Variants in UGT2B4 observed in about 807,000 individuals in gnomAD.
The protein encoded by UGT2B4 is UDP-glucuronosyltransferase 2B4.
In UGT2B4, 49 loss-of-function variants were observed where a neutral mutation model predicts 49.8. The ratio of observed to expected loss-of-function variants is 0.98; its 90% CI spans 0.78 to 1.25. UGT2B4 has a LOEUF of 1.25. Among genes scored for constraint, UGT2B4 ranks in the 50% most tolerant of loss-of-function variants. The pLI, the probability that UGT2B4 is intolerant of heterozygous loss-of-function variation, is 0.00. For synonymous variants in UGT2B4, 246 were observed against 217.7 expected, an observed-to-expected ratio of 1.13 and a Z score of -1.14; for missense variants, 729 against 627.7, an observed-to-expected ratio of 1.16 and a Z score of -1.73.
chr4:69,506,669 A>C (rs1200377215), intron 1 of UGT2B4, among the ~76,000 whole-genome samples: 6 of 151,452 alleles, frequency 4.0e-5, no homozygotes, highest in Admixed American at 3.9e-4. Context: ...TATTATTTCT[A>C]CTAAACCTAT....
intron 1 of UGT2B4, among the ~76,000 whole-genome samples, chr4:69,524,015 T>A (rs1728905459): frequency 6.6e-6 from 1 of 152,120 alleles, no homozygotes; most frequent in Non-Finnish European, 1.5e-5. Flanking sequence ...CTTCACATAT[T>A]CAAAAGAGCT....
rs1727796999 is a variant in UGT2B4, at chr4:69,486,683, A to G, written c.1016T>C (p.Phe339Ser). 2 of 1,607,626 alleles carry G rather than the reference A, an allele frequency of 1.2e-6. No individual in the cohort carries two copies. The highest frequency in any genetic ancestry group is 3.4e-5 in the Admixed American group (2 of 58,318). Residue 339 changes from phenylalanine to serine, a missense_variant, in exon 4 of 6, where the codon TTT (phenylalanine) becomes TCT (serine). Physicochemically the swap from Phe to Ser is radical, Grantham distance 155 (BLOSUM62 -2). Transcript: ENST00000305107. ...AKIPQKVLWR[F>S]DGNKPDTLGL... ...TAAAGTATCTGGTTTATTCCCATCA[A>G]ATCTCCACAGAACCTGTTACAGTGA... is the stretch of plus-strand genomic sequence containing the variant.
At chr4:69,484,098 A>G (rs1727694518) in intron 5 of UGT2B4, among the ~76,000 whole-genome samples, 1 of 152,216 alleles carries the variant, frequency 6.6e-6, no homozygotes, top group Non-Finnish European at 1.5e-5. Context: ...CAAGGCTACA[A>G]TGAGAGGTCT....
At chr4:69,510,979 T>TTCC (rs1391483174) in intron 1 of UGT2B4, among the ~76,000 whole-genome samples, 3 of 114,576 alleles carry the variant, frequency 2.6e-5, no homozygotes, top group Non-Finnish European at 3.6e-5. Context: ...TACTCTTTCT[T>TTCC]TTCTTTTCTT....
At chr4:69,500,089 A>G (rs949882250), upstream of UGT2B4, among the ~76,000 whole-genome samples, 1 of 152,174 alleles carries the variant, frequency 6.6e-6, no homozygotes, top group South Asian at 2.1e-4. Context: ...GATCATGTCC[A>G]TTGCAGGGAC....
Position 69,480,522 on chromosome 4 carries a change from A to G in UGT2B4, c.*112T>C, listed in dbSNP as rs1241325169. ...TTTGACTTGACAAGGTAAGTTTTGA[A>G]AGATGTTTTGTCACAAGAAGAAAGG... On this transcript the variant is annotated 3_prime_UTR_variant, in exon 6 of 6. Transcript: ENST00000305107. The G allele has an allele frequency of 4.0e-6, 6 of 1,487,194 alleles. No homozygotes were observed. Among genetic ancestry groups the G allele is most frequent in the Non-Finnish European group, 5.4e-6 (6 of 1,111,952 alleles). The allele number at this position is 1,487,194 out of a possible 1,614,324, so 92.1% of individuals were successfully genotyped here. A position where few individuals can be genotyped will look rare whatever the true frequency, so the allele number is the denominator to read the frequency against.
At chr4:69,525,466 TG>T (rs974740792) in intron 1 of UGT2B4, among the ~76,000 whole-genome samples, 3 of 152,140 alleles carry the variant, frequency 2.0e-5, no homozygotes, top group African/African-American at 7.2e-5. Context: ...ATGGCATGTT[TG>T]GAAAAAAAAT....
Position 69,480,691 on chromosome 4 carries a change from T to C in UGT2B4, c.1530A>G (p.Lys510=). ...CVATVIFIIT[K]CLFCVWKFVR... ...CAAACTTCCAGACACAAAACAGACA[T>C]TTTGTGATGATGAATATCACAGTTG... Residue 510 remains lysine (K), a synonymous_variant, in exon 6 of 6, where the codon AAA becomes AAG. Transcript: ENST00000305107. 6.2e-7 allele frequency: 1 copy of C among 1,614,016 alleles called. No homozygotes were observed. Among genetic ancestry groups the C allele is most frequent in the Non-Finnish European group, 8.5e-7 (1 of 1,179,966 alleles).
intron 5 of UGT2B4, among the ~76,000 whole-genome samples, chr4:69,483,382 A>G (rs1442105088): frequency 7.2e-5 from 11 of 151,880 alleles, no homozygotes; most frequent in Non-Finnish European, 2.9e-5. Context: ...TGAGTTATAT[A>G]TGTGTGTGTG....
chr4:69,506,588 C>T (rs1728473299), intron 1 of UGT2B4, among the ~76,000 whole-genome samples: 1 of 151,482 alleles, frequency 6.6e-6, no homozygotes. Flanking sequence ...AAATAGCCTA[C>T]CACCCAAACA....
Position 69,480,593 on chromosome 4 carries a change from G to C in UGT2B4, c.*41C>G. On this transcript the variant is annotated 3_prime_UTR_variant, in exon 6 of 6. Transcript: ENST00000305107. ...CTTCTTGTTGTAATAAACTAAAGGA[G>C]TTCATTTATTGGGTTTCCCAGCTTC... 1 of 1,595,182 alleles carries C rather than the reference G, an allele frequency of 6.3e-7. No homozygotes were observed. Among genetic ancestry groups the C allele is most frequent in the Non-Finnish European group, 8.5e-7 (1 of 1,170,138 alleles).
In UGT2B4 at chr4:69,481,549, T is replaced by C. The variant is rs561161598; in HGVS notation, c.1311-639A>G. Among the ~76,000 whole-genome samples, 28 of 152,256 alleles carry C rather than the reference T, an allele frequency of 1.8e-4. No homozygotes were observed. In the South Asian group the frequency reaches 3.5e-3, roughly 19 times the overall value. ...ATTTTTAGTTTTTGTGGTTACATAG[T>C]AGGGGTATTTTTCTATGAGGTGCAT... is the stretch of plus-strand genomic sequence containing the variant. On this transcript the variant is annotated intron_variant, in intron 5 of 5. Coordinates refer to ENST00000305107, the MANE Select transcript of UGT2B4 (RefSeq NM_021139.3).
In UGT2B4 at chr4:69,492,192, A is replaced by T. The variant is rs186421017; in HGVS notation, c.870+1501T>A. ...TTTTTTCTGTGCTTCTCTCTCAGGC[A>T]CTTATGATGTTGAGACACAAGCTAT... On this transcript the variant is annotated intron_variant, in intron 2 of 5. Coordinates refer to ENST00000305107, the MANE Select transcript of UGT2B4 (RefSeq NM_021139.3). Among the ~76,000 whole-genome samples the T allele has an allele frequency of 3.3e-5, 5 of 152,110 alleles. No individual in the cohort carries two copies. The East Asian group carries it at 9.7e-4, about 29-fold the overall frequency.
At chr4:69,500,914 G>T (rs538037817) in intron 1 of UGT2B4, among the ~76,000 whole-genome samples, 37 of 152,192 alleles carry the variant, frequency 2.4e-4, no homozygotes, top group African/African-American at 8.4e-4. Flanking sequence ...CATGTGTAGA[G>T]ACCTGGGAGT....
At chr4:69,484,931 A>T (rs1727723806) in intron 5 of UGT2B4, among the ~76,000 whole-genome samples, 1 of 152,084 alleles carries the variant, frequency 6.6e-6, no homozygotes, top group Non-Finnish European at 1.5e-5. Context: ...CTGTGGATTG[A>T]TTACGTCAAA....
intron 1 of UGT2B4, among the ~76,000 whole-genome samples, chr4:69,516,466 C>CT (rs1728736287): frequency 6.6e-6 from 1 of 152,076 alleles, no homozygotes; most frequent in African/African-American, 2.4e-5. Context: ...AAAAGTGTTC[C>CT]TTTTTCTCTG....
In UGT2B4 at chr4:69,521,982, A is replaced by G. The variant is rs115422666; in HGVS notation, c.-106+3705T>C. Among the ~76,000 whole-genome samples the G allele has an allele frequency of 4.3e-3, 650 of 152,310 alleles. 6 individuals carry two copies. The highest frequency in any genetic ancestry group is 0.013 in the African/African-American group (559 of 41,568). ...ATGATTTGAGCAAGAAGACTATAACACTGATGATTTAACGGGCATATATAG... is the reference window on the plus strand; with the variant it reads ...ATGATTTGAGCAAGAAGACTATAACGCTGATGATTTAACGGGCATATATAG... On this transcript the variant is annotated intron_variant, in intron 1 of 1. Transcript: ENST00000510114.
rs1727554907 is a variant in UGT2B4, at chr4:69,480,630, G to C, written c.*4C>G. The C allele has an allele frequency of 1.2e-6, 2 of 1,612,482 alleles. No homozygotes were observed. The highest frequency in any genetic ancestry group is 1.7e-6 in the Non-Finnish European group (2 of 1,178,816). ...GGTTTCCCAGCTTCCAGCCTCAGAC[G>C]TAATTAATCTCTTTTCCCCTTCTTT... On this transcript the variant is annotated 3_prime_UTR_variant, in exon 6 of 6. Coordinates refer to ENST00000305107, the MANE Select transcript of UGT2B4 (RefSeq NM_021139.3).
At chr4:69,490,566 C>T (rs987964332) in intron 2 of UGT2B4, among the ~76,000 whole-genome samples, 3 of 152,198 alleles carry the variant, frequency 2.0e-5, no homozygotes, top group African/African-American at 7.2e-5. Flanking sequence ...GACCTGTGTT[C>T]CCCAATGTAC....
Sources: gnomAD v4.1 joint callset for allele counts (sites outside exome capture counted in the v4.1 genomes callset) on GRCh38, gnomAD v4.1.1 for gene constraint, MANE v1.5 for transcripts, NCBI Gene and HGNC (gene_info 2026-07-23, HGNC 2026-07-21) for gene names.